SPRED2: variants seen among roughly 807,000 people sequenced by gnomAD.
The protein encoded by SPRED2 is sprouty-related, EVH1 domain-containing protein 2.
A neutral mutation model predicts 43.0 loss-of-function variants in SPRED2; 47 were observed. The observed-to-expected ratio is 1.09, with a 90% CI of 0.87 to 1.40. SPRED2 has a LOEUF of 1.40. SPRED2 is among the 40% of genes most tolerant of loss of function. The pLI is 0.00. For synonymous variants in SPRED2, 225 were observed against 225.7 expected (o/e 1.00, Z 0.03); for missense variants, 561 against 586.4 (o/e 0.96, Z 0.45).
chr2:65,405,491 T>A (rs1199820650), intron 1 of SPRED2, among the ~76,000 whole-genome samples: 1 of 152,136 alleles, frequency 6.6e-6, no homozygotes, highest in Admixed American at 6.5e-5. Context: ...CTTTTCCCCC[T>A]CTCATCACAC....
intron 1 of SPRED2, among the ~76,000 whole-genome samples, chr2:65,399,007 G>A (rs1348133623): frequency 7.9e-5 from 12 of 152,196 alleles, no homozygotes; most frequent in African/African-American, 2.7e-4. Flanking sequence ...AGCTGGGCGC[G>A]GTGGCTCATG....
chr2:65,390,160 A>T (rs2103681348), intron 1 of SPRED2, among the ~76,000 whole-genome samples: 1 of 152,290 alleles, frequency 6.6e-6, no homozygotes, highest in Middle Eastern at 3.4e-3. Flanking sequence ...TTCTGAGAGG[A>T]AGGTGACTGA....
intron 1 of SPRED2, among the ~76,000 whole-genome samples, chr2:65,428,131 T>C (rs1426015513): frequency 6.6e-6 from 1 of 152,266 alleles, no homozygotes; most frequent in African/African-American, 2.4e-5. Flanking sequence ...AAGCTCAGCC[T>C]GAAAGAAATC....
Position 65,332,038 on chromosome 2 carries a change from T to G in SPRED2, c.387A>C (p.Ser129=). ...CAGCTTCATTATGGATGGTGGAAGA[T>G]GACGTTGTTGAACCTAAAAAGACAA... The part of the protein sequence containing the change: ...IEDLIEGSTT[S]SSTIHNEAEL... The change falls in exon 4 of 6, where the codon TCA becomes TCC. Residue 129 remains serine (S), a synonymous_variant. Coordinates refer to ENST00000356388, the MANE Select transcript of SPRED2 (RefSeq NM_181784.3). 6.2e-7 allele frequency: 1 copy of G among 1,608,064 alleles called. No homozygotes were observed. The highest frequency in any genetic ancestry group is 8.5e-7 in the Non-Finnish European group (1 of 1,176,388).
chr2:65,377,936 A>C, intron 1 of SPRED2: 1 of 305,326 alleles, frequency 3.3e-6, no homozygotes, highest in Non-Finnish European at 6.6e-6. Flanking sequence ...AGTTTACCAA[A>C]GGGAACATGC....
Position 65,312,873 on chromosome 2 carries a change from A to G in SPRED2, c.*628T>C, listed in dbSNP as rs769124610. On this transcript the variant is annotated 3_prime_UTR_variant, in exon 6 of 6. Coordinates refer to ENST00000356388, the MANE Select transcript of SPRED2 (RefSeq NM_181784.3). The stretch of plus-strand genomic sequence containing the variant: ...AAAATGATGATGGGCTAAAGATAGA[A>G]ACTGCAGCTTACATGGGAAATTTGG... 7 of 985,794 alleles carry G rather than the reference A, an allele frequency of 7.1e-6. No homozygotes were observed. Among genetic ancestry groups the G allele is most frequent in the Admixed American group, 1.2e-4 (2 of 16,276 alleles). 61.1% of individuals were successfully genotyped at this position (985,794 alleles called of 1,614,324 possible).
chr2:65,385,310 T>C (rs998191892), intron 1 of SPRED2, among the ~76,000 whole-genome samples: 1 of 152,140 alleles, frequency 6.6e-6, no homozygotes. Flanking sequence ...AAGCCTCTTA[T>C]GACCTTGCTG....
intron 1 of SPRED2, among the ~76,000 whole-genome samples, chr2:65,417,413 C>T (rs534405755): frequency 5.9e-5 from 9 of 152,232 alleles, no homozygotes; most frequent in South Asian, 2.1e-4. Flanking sequence ...CACAGACATG[C>T]GGAAACCAAA....
intron 1 of SPRED2, among the ~76,000 whole-genome samples, chr2:65,371,169 C>T (rs1038339896): frequency 8.6e-5 from 13 of 151,114 alleles, no homozygotes; most frequent in Admixed American, 7.4e-4. Context: ...AGACATATCC[C>T]CGCATCCAAT....
intron 4 of SPRED2, among the ~76,000 whole-genome samples, chr2:65,329,703 G>A (rs568500065): frequency 4.1e-4 from 63 of 152,264 alleles, no homozygotes; most frequent in Non-Finnish European, 6.5e-4. Context: ...AAGCAGCTGC[G>A]AATGACAGGT....
At chr2:65,382,540 G>C (rs1286132255) in intron 1 of SPRED2, among the ~76,000 whole-genome samples, 6 of 152,178 alleles carry the variant, frequency 3.9e-5, no homozygotes, top group African/African-American at 1.4e-4. Flanking sequence ...TCACAGCACA[G>C]ACTAGCGGTA....
intron 1 of SPRED2, among the ~76,000 whole-genome samples, chr2:65,349,727 T>C (rs1282504067): frequency 6.6e-6 from 1 of 152,234 alleles, no homozygotes; most frequent in African/African-American, 2.4e-5. Flanking sequence ...AAAAATACCA[T>C]ACCCTTCTGT....
At position 65,310,971 on chromosome 2, in the gene SPRED2, A is replaced by G. The variant is rs1572823670; in HGVS notation, c.*2530T>C. 1.7e-5 allele frequency: 17 copies of G among 982,644 alleles called. No individual in the cohort carries two copies. The highest frequency in any genetic ancestry group is 6.1e-5 in the Admixed American group (1 of 16,272). 60.9% of individuals were successfully genotyped at this position (982,644 alleles called of 1,614,324 possible). On this transcript the variant is annotated 3_prime_UTR_variant, in exon 6 of 6. Coordinates refer to ENST00000356388, the MANE Select transcript of SPRED2 (RefSeq NM_181784.3). Reference sequence around the variant, plus strand: ...AAATGTACATCATACACTTGTATATATATTTTTTACACAGAGGTAAAAAGG... The same window carrying G: ...AAATGTACATCATACACTTGTATATGTATTTTTTACACAGAGGTAAAAAGG...
chr2:65,389,384 T>C (rs1675580281), intron 1 of SPRED2, among the ~76,000 whole-genome samples: 1 of 152,132 alleles, frequency 6.6e-6, no homozygotes, highest in Non-Finnish European at 1.5e-5. Context: ...CTCTTACCCC[T>C]GAAGGGTGTG....
At chr2:65,366,029 A>AAAAAC (rs1558670794) in intron 1 of SPRED2, among the ~76,000 whole-genome samples, 1 of 151,092 alleles carries the variant, frequency 6.6e-6, no homozygotes, top group Non-Finnish European at 1.5e-5. Context: ...GTGATTTATA[A>AAAAAC]AAACAAACAA....
rs776512353 is a variant in SPRED2 at position 65,401,937 on chromosome 2, G to GCGCACACACA, written c.26+30024_26+30025insTGTGTGTGCG. 1.6e-3 allele frequency among the ~76,000 whole-genome samples: 178 copies of GCGCACACACA among 114,758 alleles called. 1 individual carries two copies. Among genetic ancestry groups the GCGCACACACA allele is most frequent in the South Asian group, 3.1e-3 (12 of 3,824 alleles). The allele number at this position is 114,758 out of a possible 152,430, so 75.3% of individuals were successfully genotyped here. On this transcript the variant is annotated intron_variant, in intron 1 of 5. Coordinates refer to ENST00000356388, the MANE Select transcript of SPRED2 (RefSeq NM_181784.3). Reference sequence around the variant, plus strand: ...ACGATCAGAATATTAGCGCGCGCGCGCACACACACACACACACACACACAC... The same window carrying GCGCACACACA: ...ACGATCAGAATATTAGCGCGCGCGCGCGCACACACACACACACACACACACACACACACAC...
chr2:65,366,550 C>G (rs1165941123), intron 1 of SPRED2: 1 of 1,540,678 alleles, frequency 6.5e-7, no homozygotes, highest in Admixed American at 2.0e-5. Flanking sequence ...AATAAGAGAA[C>G]AATGAAAAAA....
intron 1 of SPRED2, among the ~76,000 whole-genome samples, chr2:65,393,400 C>G (rs1226963206): frequency 1.3e-5 from 2 of 149,878 alleles, no homozygotes; most frequent in Non-Finnish European, 3.0e-5. Context: ...GGCACAATCT[C>G]GGCTCACTGC....
chr2:65,343,967 T>C (rs1459361871), intron 2 of SPRED2, among the ~76,000 whole-genome samples: 1 of 151,784 alleles, frequency 6.6e-6, no homozygotes, highest in Non-Finnish European at 1.5e-5. Flanking sequence ...GCCAATATGG[T>C]GAAACTCTGT....
Sources: gnomAD v4.1 joint callset for allele counts (sites outside exome capture counted in the v4.1 genomes callset) on GRCh38, gnomAD v4.1.1 for gene constraint, MANE v1.5 for transcripts, NCBI Gene and HGNC (gene_info 2026-07-23, HGNC 2026-07-21) for gene names.